Variants in TRAK2 observed in about 807,000 individuals in gnomAD.
TRAK2 encodes the protein trafficking kinesin protein 2, also known as trafficking kinesin-binding protein 2.
In TRAK2, 81 loss-of-function variants were observed where a neutral mutation model predicts 104.6. The observed-to-expected ratio is 0.77, with a 90% CI of 0.65 to 0.93. The LOEUF is 0.93. TRAK2 is among the 40% of genes least tolerant of loss of function. TRAK2 has a pLI of 0.00. For synonymous variants in TRAK2, 406 were observed against 394.4 expected (o/e 1.03, Z -0.35); for missense variants, 1,002 against 1,089.0 (o/e 0.92, Z 1.12).
chr2:201,420,175 C>A (rs546448999), intron 2 of TRAK2, among the ~76,000 whole-genome samples: 1 of 152,216 alleles, frequency 6.6e-6, no homozygotes, highest in Admixed American at 6.5e-5. Flanking sequence ...GCAGCTACTA[C>A]TCACCGGGGG....
Position 201,387,976 on chromosome 2 carries a change from C to CT in TRAK2, c.1422dup (p.Gly475ArgfsTer6). 6.2e-7 allele frequency: 1 copy of CT among 1,614,094 alleles called. No homozygotes were observed. The highest frequency in any genetic ancestry group is 8.5e-7 in the Non-Finnish European group (1 of 1,179,992). On this transcript the variant is annotated frameshift_variant, in exon 13 of 16. Transcript: ENST00000332624. LOFTEE classifies it high-confidence loss of function. ...GCCAAATCACTATCTCCTGAGGGTC[C>CT]TGGTTGGCCCATCTTCTGGGAGCTC...
intron 1 of TRAK2, among the ~76,000 whole-genome samples, chr2:201,422,783 T>A (rs1015507003): frequency 1.3e-5 from 2 of 151,890 alleles, no homozygotes; most frequent in African/African-American, 4.8e-5. Context: ...TGTCGGTAAG[T>A]GAGATGCTAA....
At chr2:201,424,139 G>C (rs896638552) in intron 1 of TRAK2, among the ~76,000 whole-genome samples, 2 of 152,132 alleles carry the variant, frequency 1.3e-5, no homozygotes, top group African/African-American at 4.8e-5. Context: ...AACCAATAAA[G>C]AGTCACACCT....
chr2:201,395,761 G>C (rs2125645025), intron 7 of TRAK2, among the ~76,000 whole-genome samples: 1 of 152,190 alleles, frequency 6.6e-6, no homozygotes, highest in South Asian at 2.1e-4. Context: ...TCTTTATGAA[G>C]GAAAGAAGGC....
At chr2:201,437,240 G>T (rs1033026153) in intron 1 of TRAK2, among the ~76,000 whole-genome samples, 2 of 152,150 alleles carry the variant, frequency 1.3e-5, no homozygotes, top group Non-Finnish European at 2.9e-5. Context: ...ATAATAAATA[G>T]GAGGCTGTGG....
intron 2 of TRAK2, chr2:201,412,986 C>A: frequency 1.3e-6 from 1 of 775,334 alleles, no homozygotes; most frequent in Non-Finnish European, 2.4e-6. Flanking sequence ...TCCCTGGATT[C>A]TTCTAAAGAA....
At chr2:201,403,388 T>C (rs1195000604) in intron 3 of TRAK2, among the ~76,000 whole-genome samples, 1 of 152,076 alleles carries the variant, frequency 6.6e-6, no homozygotes, top group Non-Finnish European at 1.5e-5. Context: ...GAGATGATAA[T>C]AACGCTCATC....
intron 1 of TRAK2, among the ~76,000 whole-genome samples, chr2:201,422,535 G>C (rs1028985142): frequency 2.0e-5 from 3 of 152,050 alleles, no homozygotes; most frequent in Non-Finnish European, 4.4e-5. Flanking sequence ...GAAGTAGAAA[G>C]GAACAAAGTA....
intron 10 of TRAK2, among the ~76,000 whole-genome samples, chr2:201,391,465 C>A (rs1020367527): frequency 6.6e-6 from 1 of 152,112 alleles, no homozygotes; most frequent in Non-Finnish European, 1.5e-5. Context: ...AGATAAGAAC[C>A]ATCAATGGGT....
intron 2 of TRAK2, chr2:201,411,064 T>C: frequency 8.4e-7 from 1 of 1,188,476 alleles, no homozygotes; most frequent in Non-Finnish European, 1.3e-6. Flanking sequence ...GTAGAAAACA[T>C]CATGTCAATG....
At chr2:201,449,634 GC>G (rs753756334) in intron 1 of TRAK2, among the ~76,000 whole-genome samples, 1 of 151,280 alleles carries the variant, frequency 6.6e-6, no homozygotes, top group Non-Finnish European at 1.5e-5. Flanking sequence ...GCAGGCATGT[GC>G]CACCATGCCT....
chr2:201,420,010 G>A (rs13386887), intron 2 of TRAK2, among the ~76,000 whole-genome samples: 1,770 of 152,280 alleles, frequency 0.012, 53 homozygotes, highest in African/African-American at 0.041. Context: ...TTTTGATTTA[G>A]TCTTACAGAT....
chr2:201,383,345 T>C (rs192986327), intron 15 of TRAK2, among the ~76,000 whole-genome samples: 17 of 152,296 alleles, frequency 1.1e-4, no homozygotes, highest in Non-Finnish European at 2.5e-4. Context: ...GGGTGAGGAA[T>C]GGCCATGCCA....
Position 201,380,382 on chromosome 2 carries a change from G to T in TRAK2, c.*161C>A. On this transcript the variant is annotated 3_prime_UTR_variant, in exon 16 of 16. Transcript: ENST00000332624. ...TCAATTTGCCCGACTTCCTCCATTA[G>T]GGCTCATCCCAATTTTATTTCCATT... The T allele has an allele frequency of 1.3e-6, 1 of 747,322 alleles. No individual in the cohort carries two copies. The highest frequency in any genetic ancestry group is 2.2e-6 in the Non-Finnish European group (1 of 463,768). The allele number at this position is 747,322 out of a possible 1,614,324, so 46.3% of individuals were successfully genotyped here.
chr2:201,440,457 C>A (rs1371645230), intron 1 of TRAK2, among the ~76,000 whole-genome samples: 1 of 152,130 alleles, frequency 6.6e-6, no homozygotes, highest in Non-Finnish European at 1.5e-5. Context: ...CCCTCCAGCA[C>A]CAGGGATTTA....
intron 1 of TRAK2, among the ~76,000 whole-genome samples, chr2:201,446,440 T>C (rs1291538622): frequency 6.6e-6 from 1 of 152,242 alleles, no homozygotes; most frequent in Non-Finnish European, 1.5e-5. Flanking sequence ...CCGAACACTT[T>C]CTGCTCTTCT....
rs189419553 is a variant in TRAK2 at position 201,442,646 on chromosome 2, G to A, written c.-200+8704C>T. Among the ~76,000 whole-genome samples the A allele has an allele frequency of 4.6e-5, 7 of 152,218 alleles. No individual in the cohort carries two copies. The South Asian group carries it at 8.3e-4, about 18-fold the overall frequency. On this transcript the variant is annotated intron_variant, in intron 1 of 15. Coordinates refer to ENST00000332624, the MANE Select transcript of TRAK2 (RefSeq NM_015049.3). ...CTCTTAAACATCCTTTCTTTTCTGAGACAATTCCATACCACATCTTTTCTC... is the reference window on the plus strand; with the variant it reads ...CTCTTAAACATCCTTTCTTTTCTGAAACAATTCCATACCACATCTTTTCTC...
intron 15 of TRAK2, among the ~76,000 whole-genome samples, 194 bp downstream of exon 15, chr2:201,383,917 T>C (rs1951365517): frequency 6.6e-6 from 1 of 152,196 alleles, no homozygotes; most frequent in African/African-American, 2.4e-5. Context: ...CTCTACACAA[T>C]ACATACTCAC....
intron 1 of TRAK2, chr2:201,433,615 C>G (rs987088431): frequency 6.6e-6 from 1 of 152,128 alleles, no homozygotes; most frequent in Non-Finnish European, 1.5e-5. Context: ...TGAATATCTG[C>G]CGAGGCAGGC....
Sources: gnomAD v4.1 joint callset for allele counts (sites outside exome capture counted in the v4.1 genomes callset) on GRCh38, gnomAD v4.1.1 for gene constraint, MANE v1.5 for transcripts, NCBI Gene and HGNC (gene_info 2026-07-23, HGNC 2026-07-21) for gene names.